MVB12B: variants seen among roughly 807,000 people sequenced by gnomAD.
MVB12B encodes multivesicular body subunit 12B, also known as ESCRT-I complex subunit MVB12B.
Under a neutral mutation model 41.6 loss-of-function variants are expected in MVB12B, and 16 were observed. The observed-to-expected ratio is 0.38, with a 90% CI of 0.26 to 0.58. The LOEUF is 0.58. MVB12B is among the 20% of genes least tolerant of loss of function. The probability of loss-of-function intolerance (pLI) is 0.62; values close to 1 mark genes in which losing one functional copy is unlikely to be tolerated. For synonymous variants in MVB12B, 133 were observed against 139.7 expected (o/e 0.95, Z 0.34); for missense variants, 274 against 380.2 (o/e 0.72, Z 2.32).
intron 7 of MVB12B, among the ~76,000 whole-genome samples, chr9:126,424,212 G>A (rs1832106149): frequency 6.6e-6 from 1 of 152,228 alleles, no homozygotes; most frequent in South Asian, 2.1e-4. Flanking sequence ...ATGTATGGTT[G>A]TTAAAGTATA....
chr9:126,481,208 G>A (rs979533274), intron 7 of MVB12B, 161 bp from the exon 8 acceptor site: 1 of 680,592 alleles, frequency 1.5e-6, no homozygotes, highest in Non-Finnish European at 2.6e-6. Flanking sequence ...AGCAGGGGTG[G>A]GACCTGTCCT....
rs147545845 is a variant in MVB12B, at chr9:126,453,441, A to G, written c.758-27928A>G. Among the ~76,000 whole-genome samples the G allele has an allele frequency of 2.7e-4, 41 of 152,266 alleles. No homozygotes were observed. The East Asian group carries it at 5.8e-3, about 22-fold the overall frequency. The stretch of plus-strand genomic sequence containing the variant: ...GCTGTTTGCCCCTTCTCCCTTCTCA[A>G]GTATGGAGTTTTGTTTTCATACCTG... On this transcript the variant is annotated intron_variant, in intron 7 of 9. Coordinates refer to ENST00000361171, the MANE Select transcript of MVB12B (RefSeq NM_033446.3).
intron 2 of MVB12B, among the ~76,000 whole-genome samples, chr9:126,368,090 G>A (rs760712016): frequency 2.0e-5 from 3 of 152,198 alleles, no homozygotes; most frequent in South Asian, 4.1e-4. Flanking sequence ...CCGATGCAAC[G>A]CCGATACTTG....
At chr9:126,369,700 C>T (rs1830283223) in intron 2 of MVB12B, among the ~76,000 whole-genome samples, 1 of 152,148 alleles carries the variant, frequency 6.6e-6, no homozygotes. Context: ...GTTGCCCAGG[C>T]TAGAGTGCAA....
intron 7 of MVB12B, among the ~76,000 whole-genome samples, chr9:126,454,991 C>T (rs1178709930): frequency 6.6e-6 from 1 of 151,994 alleles, no homozygotes; most frequent in Non-Finnish European, 1.5e-5. Flanking sequence ...GATGAGCGAG[C>T]ATGCACCATG....
intron 7 of MVB12B, among the ~76,000 whole-genome samples, chr9:126,466,906 C>T (rs1833213193): frequency 6.6e-6 from 1 of 152,076 alleles, no homozygotes; most frequent in African/African-American, 2.4e-5. Flanking sequence ...CAGCTCACTG[C>T]ATCCTCCACC....
chr9:126,481,511 T>TGTAAA, intron 8 of MVB12B, 87 bp downstream of exon 8: 1 of 990,428 alleles, frequency 1.0e-6, no homozygotes, highest in Non-Finnish European at 1.6e-6. Context: ...CGCAGGGCTG[T>TGTAAA]TCTGGCAGTA....
intron 8 of MVB12B, among the ~76,000 whole-genome samples, chr9:126,483,705 G>A (rs1339814197): frequency 3.3e-5 from 5 of 152,160 alleles, no homozygotes; most frequent in Non-Finnish European, 7.4e-5. Flanking sequence ...GGATCCCCCT[G>A]GGTGCCACAG....
chr9:126,476,651 C>T (rs898844595), intron 7 of MVB12B, among the ~76,000 whole-genome samples: 4 of 151,812 alleles, frequency 2.6e-5, no homozygotes, highest in South Asian at 2.1e-4. Context: ...CTGAGGCGGG[C>T]GGATCACAAG....
intron 6 of MVB12B, among the ~76,000 whole-genome samples, chr9:126,404,812 G>A (rs1831371774): frequency 6.6e-6 from 1 of 152,240 alleles, no homozygotes. Context: ...GGTTGATTCT[G>A]GTGATCGTGA....
intron 2 of MVB12B, among the ~76,000 whole-genome samples, chr9:126,342,361 C>T (rs1384102638): frequency 3.3e-5 from 5 of 152,186 alleles, no homozygotes; most frequent in African/African-American, 9.7e-5. Context: ...GGTCATCCTG[C>T]TTGCCTGGGT....
At chr9:126,467,306 A>G (rs1833220289) in intron 7 of MVB12B, among the ~76,000 whole-genome samples, 1 of 152,160 alleles carries the variant, frequency 6.6e-6, no homozygotes, top group Non-Finnish European at 1.5e-5. Context: ...GCATTTTGGC[A>G]GGAATCCTCC....
chr9:126,466,292 G>C (rs1833196616), intron 7 of MVB12B, among the ~76,000 whole-genome samples: 1 of 152,164 alleles, frequency 6.6e-6, no homozygotes, highest in African/African-American at 2.4e-5. Flanking sequence ...GCTCCAGGAG[G>C]CTTCTCTGAG....
chr9:126,445,458 C>T (rs1305805279), intron 7 of MVB12B, among the ~76,000 whole-genome samples: 1 of 152,070 alleles, frequency 6.6e-6, no homozygotes, highest in East Asian at 1.9e-4. Context: ...CACCCACCGC[C>T]ACACCTGGCT....
chr9:126,425,543 C>T (rs756809249), intron 7 of MVB12B, among the ~76,000 whole-genome samples: 5 of 152,146 alleles, frequency 3.3e-5, no homozygotes, highest in Admixed American at 6.5e-5. Flanking sequence ...TCTATGCTTT[C>T]GAAGTTTACT....
At chr9:126,466,975 G>A (rs919473803) in intron 7 of MVB12B, among the ~76,000 whole-genome samples, 2 of 151,978 alleles carry the variant, frequency 1.3e-5, no homozygotes, top group South Asian at 4.1e-4. Context: ...CCACAGGCAT[G>A]TGCCACCATG....
intron 7 of MVB12B, among the ~76,000 whole-genome samples, chr9:126,458,582 G>A (rs1011678586): frequency 5.3e-5 from 8 of 152,164 alleles, no homozygotes; most frequent in African/African-American, 1.9e-4. Context: ...CAGGTCTCCT[G>A]TTGGGCCTTG....
At chr9:126,445,466 G>C (rs1451470925) in intron 7 of MVB12B, among the ~76,000 whole-genome samples, 1 of 152,002 alleles carries the variant, frequency 6.6e-6, no homozygotes, top group Non-Finnish European at 1.5e-5. Context: ...GCCACACCTG[G>C]CTAATTTTTG....
chr9:126,338,884 G>A (rs1014077626), intron 1 of MVB12B, among the ~76,000 whole-genome samples: 22 of 152,180 alleles, frequency 1.4e-4, no homozygotes, highest in Admixed American at 1.4e-3. Flanking sequence ...TTTACTTAGT[G>A]CCTACTGTGT....
Sources: gnomAD v4.1 joint callset for allele counts (sites outside exome capture counted in the v4.1 genomes callset) on GRCh38, gnomAD v4.1.1 for gene constraint, MANE v1.5 for transcripts, NCBI Gene and HGNC (gene_info 2026-07-23, HGNC 2026-07-21) for gene names.